ANO1: variants seen among roughly 807,000 people sequenced by gnomAD.
ANO1 encodes the protein anoctamin 1.
In ANO1, 59 loss-of-function variants were observed where a neutral mutation model predicts 124.0. That is an observed-to-expected ratio of 0.48 (90% CI 0.39 to 0.59). ANO1 has a LOEUF of 0.59. Ranked by LOEUF, ANO1 falls within the 20% of genes least tolerant of loss-of-function variation. The pLI is 0.00. For synonymous variants in ANO1, 529 were observed against 532.0 expected (o/e 0.99, Z 0.08); for missense variants, 1,059 against 1,328.0 (o/e 0.80, Z 3.15).
At chr11:70,115,339 G>A (rs934956985) in intron 7 of ANO1, among the ~76,000 whole-genome samples, 4 of 151,434 alleles carry the variant, frequency 2.6e-5, no homozygotes, top group East Asian at 2.0e-4. Flanking sequence ...CAGGCCAGGC[G>A]CAGTGGCTCA....
chr11:69,977,277 TG>T, the ANO1 span, among the ~76,000 whole-genome samples: 1 of 152,196 alleles, frequency 6.6e-6, no homozygotes, highest in South Asian at 2.1e-4. Context: ...CCATCCCCAG[TG>T]GTCCCAGCCA....
intron 16 of ANO1, 145 bp from the exon 17 acceptor site, chr11:70,161,016 G>T: frequency 2.7e-6 from 2 of 736,404 alleles, no homozygotes; most frequent in Non-Finnish European, 4.4e-6. Flanking sequence ...CTGGCATTTG[G>T]CAGGTGCCCA....
chr11:69,977,363 G>T, the ANO1 span, among the ~76,000 whole-genome samples: 1 of 152,206 alleles, frequency 6.6e-6, no homozygotes, highest in East Asian at 1.9e-4. Context: ...ACGTGGTCAC[G>T]AATGGACAAG....
At chr11:70,077,261 G>A (rs908110709), upstream of ANO1, among the ~76,000 whole-genome samples, 4 of 152,202 alleles carry the variant, frequency 2.6e-5, no homozygotes, top group Non-Finnish European at 5.9e-5. Flanking sequence ...TGCTAGTTGG[G>A]GTTCAGGCAG....
At chr11:70,155,664 G>A (rs543384796) in intron 14 of ANO1, among the ~76,000 whole-genome samples, 1 of 152,364 alleles carries the variant, frequency 6.6e-6, no homozygotes, top group East Asian at 1.9e-4. Context: ...CCAGTGGAGG[G>A]TGCGTGCTGG....
chr11:70,056,757 G>A (rs1243884272), intron 1 of ANO1, among the ~76,000 whole-genome samples: 1 of 150,718 alleles, frequency 6.6e-6, no homozygotes, highest in African/African-American at 2.4e-5. Context: ...TTTTTTCAGA[G>A]TTCCAACTGC....
chr11:70,044,909 G>A (rs1254256896), intron 1 of ANO1, among the ~76,000 whole-genome samples: 1 of 152,164 alleles, frequency 6.6e-6, no homozygotes, highest in African/African-American at 2.4e-5. Flanking sequence ...TTGGAACAGT[G>A]CATGAGATTT....
In ANO1 at chr11:70,168,256, C is replaced by G. The variant is rs2048329854; in HGVS notation, c.2197+869C>G. 2.0e-5 allele frequency among the ~76,000 whole-genome samples: 3 copies of G among 152,198 alleles called. No homozygotes were observed. The South Asian group carries it at 6.2e-4, about 31-fold the overall frequency. ...CGTGGAGCTCAGGCCGCCCCAGGGC[C>G]TTTGCACGAGATGTGCCCTGCTGGA... On this transcript the variant is annotated intron_variant, in intron 21 of 25. Coordinates refer to ENST00000355303, the MANE Select transcript of ANO1 (RefSeq NM_018043.7).
the ANO1 span, among the ~76,000 whole-genome samples, chr11:69,976,337 G>GTC: frequency 2.6e-5 from 4 of 151,676 alleles, no homozygotes; most frequent in Admixed American, 2.0e-4. Flanking sequence ...GTGAAACCCC[G>GTC]TCTACTAAAA....
At chr11:69,973,599 C>T in the ANO1 span, among the ~76,000 whole-genome samples, 9 of 152,126 alleles carry the variant, frequency 5.9e-5, no homozygotes, top group Admixed American at 1.3e-4. Context: ...CTTAGCCGGG[C>T]GCGGTGGCTC....
intron 18 of ANO1, among the ~76,000 whole-genome samples, chr11:70,162,984 G>A (rs989621999): frequency 7.9e-5 from 12 of 152,236 alleles, no homozygotes; most frequent in African/African-American, 1.2e-4. Flanking sequence ...TCTTCAGGCC[G>A]GGTGGTCTTT....
intron 7 of ANO1, 127 bp from the exon 8 acceptor site, chr11:70,116,331 G>A: frequency 2.0e-6 from 2 of 987,746 alleles, no homozygotes; most frequent in Middle Eastern, 2.1e-4. Context: ...GTGAAATGTT[G>A]CCCCAGGATG....
chr11:70,017,922 C>A (rs1856731472), intron 1 of ANO1, among the ~76,000 whole-genome samples: 1 of 152,140 alleles, frequency 6.6e-6, no homozygotes. Flanking sequence ...GCAACTCCAG[C>A]CCCCTTTCCC....
the ANO1 span, among the ~76,000 whole-genome samples, chr11:69,977,436 G>A: frequency 2.0e-5 from 3 of 152,222 alleles, no homozygotes; most frequent in Non-Finnish European, 4.4e-5. Context: ...GCGTGCTGCC[G>A]ACAGAGCAGT....
intron 1 of ANO1, among the ~76,000 whole-genome samples, chr11:70,084,424 A>G (rs1354833062): frequency 6.6e-6 from 1 of 152,162 alleles, no homozygotes; most frequent in East Asian, 1.9e-4. Context: ...TGGCCCCAGA[A>G]TTAGATGGAG....
At chr11:69,971,081 C>T in the ANO1 span, among the ~76,000 whole-genome samples, 2 of 152,170 alleles carry the variant, frequency 1.3e-5, no homozygotes, top group African/African-American at 4.8e-5. Flanking sequence ...GAGAAAAAGG[C>T]CAAGAATAAA....
rs782819235 is a variant in ANO1, at chr11:70,061,390, CA to C, written c.59-17151del. Reference sequence around the variant, plus strand: ...CCCTGAAGCCTTGGGCAGAACATTCCAGGTGAGTTGTTGGGATTGGTGGGTG... The same window carrying C: ...CCCTGAAGCCTTGGGCAGAACATTCCGGTGAGTTGTTGGGATTGGTGGGTG... On this transcript the variant is annotated intron_variant, in intron 1 of 27. Coordinates refer to the ANO1 transcript ENST00000531349. 2.0e-4 allele frequency among the ~76,000 whole-genome samples: 30 copies of C among 152,174 alleles called. No homozygotes were observed. In the Middle Eastern group the frequency reaches 0.017, roughly 86 times the overall value.
chr11:70,010,113 T>A (rs1856563278), intron 1 of ANO1, among the ~76,000 whole-genome samples: 1 of 148,880 alleles, frequency 6.7e-6, no homozygotes, highest in East Asian at 2.0e-4. Context: ...CATTTCTTTT[T>A]ATGGCGGAGT....
At chr11:70,029,808 G>T (rs964442203) in intron 1 of ANO1, among the ~76,000 whole-genome samples, 1 of 152,152 alleles carries the variant, frequency 6.6e-6, no homozygotes, top group Non-Finnish European at 1.5e-5. Flanking sequence ...CGAGCTTCCC[G>T]GGCTCCAGGC....
Sources: gnomAD v4.1 joint callset for allele counts (sites outside exome capture counted in the v4.1 genomes callset) on GRCh38, gnomAD v4.1.1 for gene constraint, MANE v1.5 for transcripts, NCBI Gene and HGNC (gene_info 2026-07-23, HGNC 2026-07-21) for gene names.